The following UBASH3B variants were observed in gnomAD, a reference collection of about 807,000 sequenced individuals.
The protein encoded by UBASH3B is ubiquitin associated and SH3 domain containing B.
In UBASH3B, 37 loss-of-function variants were observed where a neutral mutation model predicts 83.4. The ratio of observed to expected loss-of-function variants is 0.44; its 90% CI spans 0.34 to 0.58. The LOEUF (loss-of-function observed/expected upper bound fraction) is 0.58. UBASH3B is among the 20% of genes least tolerant of loss of function. The pLI, the probability that UBASH3B is intolerant of heterozygous loss-of-function variation, is 0.01. For synonymous variants in UBASH3B, 304 were observed against 318.3 expected (o/e 0.96, Z 0.48); for missense variants, 657 against 827.2 (o/e 0.79, Z 2.52).
chr11:122,758,508 G>A lies in UBASH3B; in HGVS notation c.162-17711G>A, dbSNP rs1428447448. ...AGAGTCGGGACAGCTGGAAAGGGCAGTCAGTGGTGGGGGCGGAGGGGGCAC... is the reference window on the plus strand; with the variant it reads ...AGAGTCGGGACAGCTGGAAAGGGCAATCAGTGGTGGGGGCGGAGGGGGCAC... On this transcript the variant is annotated intron_variant, in intron 1 of 13. Coordinates refer to ENST00000284273, the MANE Select transcript of UBASH3B (RefSeq NM_032873.5). The surrounding 1 kb of genome is among the most constrained non-coding windows in gnomAD (Gnocchi z 4.2). Among the ~76,000 whole-genome samples, 1 of 152,208 alleles carries A rather than the reference G, an allele frequency of 6.6e-6. No individual in the cohort carries two copies. Among genetic ancestry groups the A allele is most frequent in the Admixed American group, 6.5e-5 (1 of 15,286 alleles).
In UBASH3B at chr11:122,655,960, A is replaced by G; in HGVS notation, c.-90A>G. On this transcript the variant is annotated 5_prime_UTR_variant, in exon 1 of 14. Transcript: ENST00000284273. ...CCTCCTGCCTGGCTCTGGGTCCCCG[A>G]GCCCCCTCCCCTGGCCCAGCCCGAC... 1.9e-5 allele frequency: 16 copies of G among 826,996 alleles called. No individual in the cohort carries two copies. The highest frequency in any genetic ancestry group is 2.3e-5 in the Non-Finnish European group (14 of 610,278). The allele number at this position is 826,996 out of a possible 1,614,324, so 51.2% of individuals were successfully genotyped here. A position where few individuals can be genotyped will look rare whatever the true frequency, so the allele number is the denominator to read the frequency against.
chr11:122,720,491 C>T (rs1857836328), intron 1 of UBASH3B, among the ~76,000 whole-genome samples: 1 of 152,206 alleles, frequency 6.6e-6, no homozygotes, highest in Admixed American at 6.5e-5. Context: ...CAGATGGAAT[C>T]ACTCCACTGC....
At chr11:122,711,528 C>T (rs1330936106) in intron 1 of UBASH3B, among the ~76,000 whole-genome samples, 1 of 152,226 alleles carries the variant, frequency 6.6e-6, no homozygotes, top group East Asian at 1.9e-4. Flanking sequence ...CGGGCACTGG[C>T]AGCCTTTAAG....
chr11:122,746,876 G>T (rs1193872303), intron 1 of UBASH3B, among the ~76,000 whole-genome samples: 1 of 152,178 alleles, frequency 6.6e-6, no homozygotes, highest in East Asian at 1.9e-4. Flanking sequence ...GCCGTGAGGG[G>T]GGATTTGTGA....
chr11:122,742,304 C>CAGG (rs1861038734), intron 1 of UBASH3B, among the ~76,000 whole-genome samples: 2 of 152,212 alleles, frequency 1.3e-5, no homozygotes, highest in Admixed American at 6.5e-5. Flanking sequence ...GTGCAAGAAA[C>CAGG]CATCCTAAGT....
chr11:122,697,206 T>A (rs533917252), intron 1 of UBASH3B, among the ~76,000 whole-genome samples: 1 of 152,346 alleles, frequency 6.6e-6, no homozygotes, highest in African/African-American at 2.4e-5. Flanking sequence ...ACAACGGGAA[T>A]GGTGGCATAA....
chr11:122,773,825 G>A (rs569018791), intron 1 of UBASH3B, among the ~76,000 whole-genome samples: 6 of 152,254 alleles, frequency 3.9e-5, no homozygotes, highest in Non-Finnish European at 5.9e-5. Flanking sequence ...TAGTGCCTAG[G>A]AAGAAATAAA....
At chr11:122,767,595 G>C (rs1009407686) in intron 1 of UBASH3B, among the ~76,000 whole-genome samples, 1 of 152,214 alleles carries the variant, frequency 6.6e-6, no homozygotes. Context: ...ACAGGCGTGA[G>C]CCACCACGCC....
chr11:122,805,618 G>C (rs1185837110), intron 11 of UBASH3B, among the ~76,000 whole-genome samples: 1 of 152,134 alleles, frequency 6.6e-6, no homozygotes, highest in African/African-American at 2.4e-5. Context: ...CAGATCTTGT[G>C]AGACTTATTC....
chr11:122,779,233 T>G (rs947421388), intron 3 of UBASH3B: 8 of 535,956 alleles, frequency 1.5e-5, no homozygotes, highest in Non-Finnish European at 2.7e-5. Flanking sequence ...CCTGCAGCAT[T>G]TTGGCTGGGT....
Position 122,797,046 on chromosome 11 carries a change from G to C in UBASH3B, c.1357+13G>C. ...GCAAGACTAGTGGGTAAGTATCCTGGAGTGACTGCACTCCAGGCATTTCTT... is the reference window on the plus strand; with the variant it reads ...GCAAGACTAGTGGGTAAGTATCCTGCAGTGACTGCACTCCAGGCATTTCTT... On this transcript the variant is annotated intron_variant, in intron 9 of 13. Transcript: ENST00000284273. The C allele has an allele frequency of 6.3e-7, 1 of 1,587,388 alleles. No individual in the cohort carries two copies. The highest frequency in any genetic ancestry group is 8.6e-7 in the Non-Finnish European group (1 of 1,167,108).
At chr11:122,725,499 G>C (rs1037395573) in intron 1 of UBASH3B, among the ~76,000 whole-genome samples, 1 of 151,902 alleles carries the variant, frequency 6.6e-6, no homozygotes, top group Non-Finnish European at 1.5e-5. Flanking sequence ...CGACATTCAG[G>C]GTACCCTGGA....
chr11:122,750,660 A>G (rs1311094387), intron 1 of UBASH3B, among the ~76,000 whole-genome samples: 1 of 152,190 alleles, frequency 6.6e-6, no homozygotes, highest in Non-Finnish European at 1.5e-5. Context: ...GCCGTTTTGC[A>G]TCTCTAGAGT....
chr11:122,684,557 T>C (rs1231570411), intron 1 of UBASH3B, among the ~76,000 whole-genome samples: 2 of 152,178 alleles, frequency 1.3e-5, no homozygotes, highest in Non-Finnish European at 2.9e-5. Context: ...TGGTTCAGTT[T>C]CCTGAATTTG....
At chr11:122,777,679 T>A (rs1365847103) in intron 3 of UBASH3B, among the ~76,000 whole-genome samples, 1 of 152,198 alleles carries the variant, frequency 6.6e-6, no homozygotes, top group Non-Finnish European at 1.5e-5. Context: ...TTGCCATTGT[T>A]ACCTAGTGTA....
At position 122,811,645 on chromosome 11, in the gene UBASH3B, G is replaced by A. The variant is rs1054666596; in HGVS notation, c.*1759G>A. The A allele has an allele frequency of 1.1e-4, 17 of 151,852 alleles. No homozygotes were observed. The highest frequency in any genetic ancestry group is 3.4e-4 in the African/African-American group (14 of 41,318). The allele number at this position is 151,852 out of a possible 1,614,324, so 9.4% of individuals were successfully genotyped here. A position where few individuals can be genotyped will look rare whatever the true frequency, so the allele number is the denominator to read the frequency against. On this transcript the variant is annotated 3_prime_UTR_variant, in exon 14 of 14. Transcript: ENST00000284273. The stretch of plus-strand genomic sequence containing the variant: ...TGGCCCATAGTTGTATTTTTTTTAG[G>A]TCACTTAGAAAAATATGTCATGTAT...
chr11:122,698,494 G>T (rs1255661609), intron 1 of UBASH3B, among the ~76,000 whole-genome samples: 1 of 152,184 alleles, frequency 6.6e-6, no homozygotes, highest in African/African-American at 2.4e-5. Context: ...ATGGTATAAG[G>T]CTAAAGAAGA....
chr11:122,733,972 G>A (rs1173394966), intron 1 of UBASH3B, among the ~76,000 whole-genome samples: 2 of 151,926 alleles, frequency 1.3e-5, no homozygotes, highest in African/African-American at 2.4e-5. Flanking sequence ...TGTAACCTCC[G>A]CCTCCTGTGT....
chr11:122,792,484 A>G (rs1861075806), intron 6 of UBASH3B, among the ~76,000 whole-genome samples: 1 of 151,504 alleles, frequency 6.6e-6, no homozygotes, highest in South Asian at 2.1e-4. Context: ...ACGCCCAGCT[A>G]ATTTTTGTAT....
Sources: allele counts gnomAD v4.1 joint callset (sites outside exome capture counted in the v4.1 genomes callset), GRCh38; gene constraint gnomAD v4.1.1; non-coding constraint Gnocchi (gnomAD v3.1); transcripts MANE v1.5; gene names NCBI Gene and HGNC (gene_info 2026-07-23, HGNC 2026-07-21).